IARS1: variants seen among roughly 807,000 people sequenced by gnomAD.
IARS1 encodes isoleucyl-tRNA synthetase 1.
In IARS1, 124 loss-of-function variants were observed where a neutral mutation model predicts 168.2. The ratio of observed to expected loss-of-function variants is 0.74; its 90% CI spans 0.64 to 0.86. IARS1 has a LOEUF of 0.86. Ranked by LOEUF, IARS1 falls within the 40% of genes least tolerant of loss-of-function variation. IARS1 has a pLI of 0.00. For synonymous variants in IARS1, 532 were observed against 529.4 expected (o/e 1.00, Z -0.07); for missense variants, 1,452 against 1,515.8 (o/e 0.96, Z 0.70).
intron 33 of IARS1, among the ~76,000 whole-genome samples, chr9:92,222,257 C>A (rs527760615): frequency 1.4e-5 from 2 of 147,292 alleles, no homozygotes; most frequent in South Asian, 4.3e-4. Flanking sequence ...AAGCCCCAGG[C>A]CTGAACCCAG....
At chr9:92,252,401 CGT>C (rs745345154) in intron 21 of IARS1, 238 of 515,740 alleles carry the variant, frequency 4.6e-4, no homozygotes, top group African/African-American at 3.9e-3. Flanking sequence ...CTTCTAGATA[CGT>C]GTGTGTGAGA....
intron 33 of IARS1, among the ~76,000 whole-genome samples, chr9:92,217,747 A>C (rs1445670161): frequency 6.6e-6 from 1 of 152,182 alleles, no homozygotes; most frequent in Non-Finnish European, 1.5e-5. Flanking sequence ...CTCTGAATAG[A>C]CCAATAACAG....
In IARS1 at chr9:92,247,356, CTT is replaced by C. The variant is rs548248301; in HGVS notation, c.2791+19_2791+20del. Reference sequence around the variant, plus strand: ...TCAGACTCAGGACATAAATGGTGCCCTTGTCTGTGTAGACACCTACCAGTCTT... The same window carrying C: ...TCAGACTCAGGACATAAATGGTGCCCGTCTGTGTAGACACCTACCAGTCTT... On this transcript the variant is annotated intron_variant, in intron 26 of 33. Coordinates refer to ENST00000443024, the MANE Select transcript of IARS1 (RefSeq NM_002161.6). 1.2e-4 allele frequency: 185 copies of C among 1,604,648 alleles called. 1 individual carries two copies. In the South Asian group the frequency reaches 1.8e-3, roughly 16 times the overall value.
chr9:92,271,487 TA>T (rs778632305), intron 11 of IARS1, 45 bp downstream of exon 11: 13 of 1,605,520 alleles, frequency 8.1e-6, no homozygotes, highest in Non-Finnish European at 1.1e-5. Flanking sequence ...TGGTAGAGAC[TA>T]ATCAGAAGTA....
At chr9:92,242,475 G>A (rs764351571) in intron 28 of IARS1, 145 bp from the exon 29 acceptor site, 6 of 627,734 alleles carry the variant, frequency 9.6e-6, no homozygotes, top group South Asian at 2.0e-5. Context: ...TGGGTGATCC[G>A]TAAGACTAAC....
At position 92,247,526 on chromosome 9, in the gene IARS1, A is replaced by C; in HGVS notation, c.2642T>G (p.Leu881Arg). Residue 881 changes from leucine (L) to arginine (R), a missense_variant, in exon 26 of 34, where the codon CTG becomes CGG. Leu to Arg is a moderately radical substitution (Grantham distance 102, BLOSUM62 -2). Transcript: ENST00000443024. ...IEELNVRKVTLSTDKNKYGIR... is the reference protein window; with the variant it reads ...IEELNVRKVTRSTDKNKYGIR... ...GCCATACTTGTTTTTATCTGTAGAC[A>C]GTGTAACTTTTCGAACATTGAGTTC... is the stretch of plus-strand genomic sequence containing the variant. 1 of 1,613,732 alleles carries C rather than the reference A, an allele frequency of 6.2e-7. No homozygotes were observed. The highest frequency in any genetic ancestry group is 1.3e-5 in the African/African-American group (1 of 75,028).
intron 33 of IARS1, among the ~76,000 whole-genome samples, chr9:92,218,963 A>C (rs1466451502): frequency 2.0e-5 from 3 of 152,230 alleles, no homozygotes; most frequent in Non-Finnish European, 4.4e-5. Flanking sequence ...CGCAACGCCA[A>C]GTCAATCCTA....
chr9:92,266,725 C>G (rs1055018108), intron 14 of IARS1, among the ~76,000 whole-genome samples: 6 of 152,236 alleles, frequency 3.9e-5, no homozygotes, highest in African/African-American at 1.4e-4. Context: ...GAGCCTGCCC[C>G]CACCCCACCG....
chr9:92,259,069 TGA>T, intron 18 of IARS1, 71 bp from the exon 19 acceptor site: 3 of 1,321,234 alleles, frequency 2.3e-6, no homozygotes, highest in Non-Finnish European at 3.1e-6. Context: ...CTCGACATAT[TGA>T]GAGAGCAAGA....
intron 1 of IARS1, among the ~76,000 whole-genome samples, chr9:92,290,375 C>T (rs1182382613): frequency 1.3e-5 from 2 of 152,096 alleles, no homozygotes; most frequent in African/African-American, 2.4e-5. Context: ...TTATCCTTTG[C>T]CTATTTTCTA....
intron 32 of IARS1, 127 bp from the exon 33 acceptor site, chr9:92,222,799 T>A: frequency 1.3e-6 from 1 of 772,178 alleles, no homozygotes; most frequent in South Asian, 2.2e-5. Context: ...AGCGTGAGTG[T>A]GACCGCTGAA....
intron 21 of IARS1, chr9:92,252,488 C>G (rs968291652): frequency 2.2e-6 from 1 of 461,748 alleles, no homozygotes; most frequent in African/African-American, 2.0e-5. Flanking sequence ...CATGACTGGC[C>G]AGGCACGGTG....
At chr9:92,264,538 T>C (rs920491392) in intron 16 of IARS1, among the ~76,000 whole-genome samples, 3 of 152,206 alleles carry the variant, frequency 2.0e-5, no homozygotes, top group African/African-American at 7.2e-5. Context: ...CCTCAATATC[T>C]GAGCACATTA....
At chr9:92,275,825 G>A (rs570640859) in intron 9 of IARS1, among the ~76,000 whole-genome samples, 5 of 152,294 alleles carry the variant, frequency 3.3e-5, no homozygotes, top group African/African-American at 1.2e-4. Context: ...AGATGATTCC[G>A]TCCTGGGTCA....
intron 30 of IARS1, among the ~76,000 whole-genome samples, chr9:92,234,635 C>T (rs1458215308): frequency 2.0e-5 from 3 of 152,342 alleles, no homozygotes; most frequent in East Asian, 3.9e-4. Context: ...ATTCCTTCTA[C>T]AGGGTAACCT....
In IARS1 at chr9:92,258,890, A is replaced by G. The variant is rs759644818; in HGVS notation, c.1980T>C (p.Tyr660=). The change falls in exon 19 of 34, where the codon TAT becomes TAC. Residue 660 remains tyrosine, a synonymous_variant. Coordinates refer to ENST00000443024, the MANE Select transcript of IARS1 (RefSeq NM_002161.6). ...TCAGAACGTTCTGGATTAAGAAGCG[A>G]TAGGCATTGTACCATGGGAGCAGTA... ...KDVLLPWYNA[Y]RFLIQNVLRL... 3 of 1,613,188 alleles carry G rather than the reference A, an allele frequency of 1.9e-6. No homozygotes were observed. The highest frequency in any genetic ancestry group is 1.7e-6 in the Non-Finnish European group (2 of 1,179,798).
Position 92,274,518 on chromosome 9 carries a change from T to G in IARS1, c.898A>C (p.Lys300Gln). 4 of 1,611,974 alleles carry G rather than the reference T, an allele frequency of 2.5e-6. No homozygotes were observed. The highest frequency in any genetic ancestry group is 3.4e-6 in the Non-Finnish European group (4 of 1,178,092). ...RPLFDYFLKCKENGAFTVLVD... is the reference protein window; with the variant it reads ...RPLFDYFLKCQENGAFTVLVD... Reference sequence around the variant, plus strand: ...AGCACAGTGAAAGCGCCATTCTCTTTACACTGGAAAGAAAGGACAGCAGGC... The same window carrying G: ...AGCACAGTGAAAGCGCCATTCTCTTGACACTGGAAAGAAAGGACAGCAGGC... Residue 300 changes from lysine to glutamine, a missense_variant, in exon 10 of 34, where the codon AAA becomes CAA. Coordinates refer to ENST00000443024, the MANE Select transcript of IARS1 (RefSeq NM_002161.6).
intron 14 of IARS1, among the ~76,000 whole-genome samples, chr9:92,266,752 C>T (rs1406829959): frequency 2.0e-5 from 3 of 152,172 alleles, no homozygotes; most frequent in Non-Finnish European, 2.9e-5. Flanking sequence ...TCTTCTCTTG[C>T]CATGTGATTT....
intron 1 of IARS1, among the ~76,000 whole-genome samples, chr9:92,290,107 G>A (rs1279370014): frequency 6.6e-6 from 1 of 152,172 alleles, no homozygotes; most frequent in Non-Finnish European, 1.5e-5. Flanking sequence ...TGATAATTCT[G>A]TATTTAACTT....
Sources: allele counts gnomAD v4.1 joint callset (sites outside exome capture counted in the v4.1 genomes callset), GRCh38; gene constraint gnomAD v4.1.1; transcripts MANE v1.5; gene names NCBI Gene and HGNC (gene_info 2026-07-23, HGNC 2026-07-21).